The following CPAMD8 variants were observed in gnomAD, a reference collection of about 807,000 sequenced individuals.
The protein encoded by CPAMD8 is C3 and PZP-like alpha-2-macroglobulin domain-containing protein 8.
In CPAMD8, 146 loss-of-function variants were observed where a neutral mutation model predicts 224.7. The ratio of observed to expected loss-of-function variants is 0.65; its 90% CI spans 0.57 to 0.75. The LOEUF is 0.75. Among genes scored for constraint, CPAMD8 ranks in the 30% least tolerant of loss-of-function variants. CPAMD8 has a pLI of 0.00. For synonymous variants in CPAMD8, 966 were observed against 1,044.6 expected (o/e 0.92, Z 1.45); for missense variants, 2,301 against 2,537.5 (o/e 0.91, Z 2.00).
chr19:16,910,790 G>C (rs552525374), intron 29 of CPAMD8: 1 of 152,456 alleles, frequency 6.6e-6, no homozygotes, highest in Non-Finnish European at 1.5e-5. Context: ...ATGGCAACAA[G>C]TGTTGTTTAA....
At chr19:16,939,850 ACTGG>A (rs1246942879) in intron 22 of CPAMD8, among the ~76,000 whole-genome samples, 4 of 151,500 alleles carry the variant, frequency 2.6e-5, no homozygotes, top group Non-Finnish European at 5.9e-5. Flanking sequence ...CAGCTACACC[ACTGG>A]CTTTACTGGG....
In CPAMD8 at chr19:17,011,483, A is replaced by G; in HGVS notation, c.467T>C (p.Leu156Pro). The change falls in exon 5 of 42, where the codon CTG becomes CCG. Residue 156 changes from leucine to proline, a missense_variant. Leu to Pro is a moderately conservative substitution (Grantham distance 98, BLOSUM62 -3). Around this residue, in one of 4 missense-constraint regions of CPAMD8, gnomAD observed 283 missense variants for 340.6 expected, o/e 0.83. Transcript: ENST00000443236. ...TCTCACCTTCTCGTTGACAGGCCTC[A>G]GATTTGGAGAGACGGTGAAGATGCT... The part of the protein sequence containing the change: ...LISIFTVSPN[L>P]RPVNEKLEAY... The G allele has an allele frequency of 8.7e-6, 14 of 1,614,228 alleles. No individual in the cohort carries two copies. Among genetic ancestry groups the G allele is most frequent in the Non-Finnish European group, 1.2e-5 (14 of 1,180,028 alleles).
intron 13 of CPAMD8, among the ~76,000 whole-genome samples, chr19:16,981,123 C>T (rs750806524): frequency 5.3e-5 from 8 of 151,116 alleles, no homozygotes; most frequent in African/African-American, 7.4e-5. Context: ...GGGGCTGAAG[C>T]GGACAGATCG....
Position 16,997,400 on chromosome 19 carries a change from C to T in CPAMD8, c.868-62G>A, listed in dbSNP as rs562976115. The T allele has an allele frequency of 8.6e-4, 831 of 967,634 alleles. 9 individuals carry two copies. The South Asian group carries it at 0.011, about 12-fold the overall frequency. The allele number at this position is 967,634 out of a possible 1,614,324, so 59.9% of individuals were successfully genotyped here. ...GGTTGGAGTGTCTTTGAGGGATGTC[C>T]CTGAAACACACACCTGAGGTGCAAG... On this transcript the variant is annotated intron_variant, in intron 10 of 41. Coordinates refer to ENST00000443236, the MANE Select transcript of CPAMD8 (RefSeq NM_015692.5).
At chr19:16,943,004 C>CTTTCT (rs1328933434) in intron 22 of CPAMD8, among the ~76,000 whole-genome samples, 27 of 134,260 alleles carry the variant, frequency 2.0e-4, no homozygotes, top group African/African-American at 7.8e-4. Context: ...TTTCTTTTTT[C>CTTTCT]TTTTTTCTTT....
rs749768314 is a variant in CPAMD8, at chr19:16,904,292, G to A, written c.4185C>T (p.Ala1395=). The change falls in exon 32 of 42, where the codon GCC becomes GCT. Residue 1395 remains alanine (A), a synonymous_variant. Transcript: ENST00000443236. Reference sequence around the variant, plus strand: ...ACAGCCACTTCACCACAGGCAGGGCGGCAGCCACGTCACCCAGCAGAGTGT... The same window carrying A: ...ACAGCCACTTCACCACAGGCAGGGCAGCAGCCACGTCACCCAGCAGAGTGT... ...LTYTLLGDVA[A]ALPVVKWLSQ... 3.1e-6 allele frequency: 5 copies of A among 1,613,496 alleles called. No homozygotes were observed. The highest frequency in any genetic ancestry group is 1.7e-5 in the Admixed American group (1 of 60,002).
chr19:16,939,238 CTG>C (rs1599740246), intron 22 of CPAMD8, among the ~76,000 whole-genome samples: 1 of 151,966 alleles, frequency 6.6e-6, no homozygotes, highest in Non-Finnish European at 1.5e-5. Flanking sequence ...GAGTCTCACT[CTG>C]TCGCCCAGGC....
chr19:17,026,768 GTGCGCCCGGCGCCA>G lies in CPAMD8; in HGVS notation c.-140_-127del, dbSNP rs2057098138. 8.6e-7 allele frequency: 1 copy of G among 1,167,894 alleles called. No homozygotes were observed. Among genetic ancestry groups the G allele is most frequent in the African/African-American group, 1.6e-5 (1 of 61,664 alleles). 72.3% of individuals were successfully genotyped at this position (1,167,894 alleles called of 1,614,324 possible). The stretch of plus-strand genomic sequence containing the variant: ...GCCCTTTGTTCGCAGCCCCCGCGCA[GTGCGCCCGGCGCCA>G]TGCGCCCCGCTCCGCGCCCGGCCAA... On this transcript the variant is annotated 5_prime_UTR_variant, in exon 1 of 42. An upstream start codon of the reference 5' UTR is lost. Transcript: ENST00000443236.
intron 22 of CPAMD8, among the ~76,000 whole-genome samples, chr19:16,939,138 A>G (rs1285002068): frequency 6.6e-6 from 1 of 151,890 alleles, no homozygotes; most frequent in African/African-American, 2.4e-5. Context: ...TTTCCCCATT[A>G]GGATGGTCAA....
chr19:16,944,521 G>A (rs1234829798), intron 22 of CPAMD8, among the ~76,000 whole-genome samples: 2 of 152,132 alleles, frequency 1.3e-5, no homozygotes, highest in Non-Finnish European at 1.5e-5. Context: ...GGAGGGGCTC[G>A]CTGCCTCCTT....
intron 25 of CPAMD8, 78 bp from the exon 26 acceptor site, chr19:16,925,450 G>GGGAGAC: frequency 8.4e-7 from 1 of 1,186,674 alleles, no homozygotes; most frequent in Non-Finnish European, 1.2e-6. Context: ...ACCCAGGGAT[G>GGGAGAC]GGAGACAGTG....
chr19:16,999,361 A>G (rs1271050876), intron 10 of CPAMD8, among the ~76,000 whole-genome samples: 1 of 151,994 alleles, frequency 6.6e-6, no homozygotes, highest in African/African-American at 2.4e-5. Flanking sequence ...CAGGTGGATC[A>G]CGACGTCAGG....
In CPAMD8 at chr19:16,897,394, A is replaced by G. The variant is rs543846465; in HGVS notation, c.5065+297T>C. On this transcript the variant is annotated intron_variant, in intron 39 of 41. Transcript: ENST00000443236. Reference sequence around the variant, plus strand: ...CCTCAACCCATTGCGCCCAGTCCCCACCACAGTGACCACACCCTCACTGGC... The same window carrying G: ...CCTCAACCCATTGCGCCCAGTCCCCGCCACAGTGACCACACCCTCACTGGC... The G allele has an allele frequency of 1.8e-4, 66 of 373,142 alleles. 1 individual carries two copies. The East Asian group carries it at 3.4e-3, about 19-fold the overall frequency. 23.1% of individuals were successfully genotyped at this position (373,142 alleles called of 1,614,324 possible).
intron 13 of CPAMD8, among the ~76,000 whole-genome samples, chr19:16,989,274 T>C (rs1225582077): frequency 1.3e-5 from 2 of 152,150 alleles, no homozygotes; most frequent in African/African-American, 4.8e-5. Flanking sequence ...TGGCTACTGC[T>C]GCCTTAGGGG....
chr19:17,020,380 G>A, intron 2 of CPAMD8, 27 bp from the exon 3 acceptor site: 2 of 1,544,286 alleles, frequency 1.3e-6, no homozygotes, highest in Non-Finnish European at 1.8e-6. Context: ...AATGAAAAAA[G>A]TTAAATCAAG....
intron 13 of CPAMD8, among the ~76,000 whole-genome samples, chr19:16,987,318 A>G (rs1021817044): frequency 4.6e-5 from 7 of 151,010 alleles, no homozygotes; most frequent in African/African-American, 1.7e-4. Flanking sequence ...AACTGCCCAC[A>G]ACACTGATGT....
chr19:16,950,335 A>G (rs1335838325), intron 20 of CPAMD8, among the ~76,000 whole-genome samples: 1 of 151,974 alleles, frequency 6.6e-6, no homozygotes, highest in Non-Finnish European at 1.5e-5. Context: ...AATGCAGGTA[A>G]AATTGTCAGT....
rs181199271 is a variant in CPAMD8, at chr19:16,898,368, A to G, written c.4849-374T>C. On this transcript the variant is annotated intron_variant, in intron 37 of 41. Transcript: ENST00000443236. This position sits in a 1 kb window ranked among gnomAD's most constrained non-coding sequence, Gnocchi z 4.2. Reference sequence around the variant, plus strand: ...ACCATGTTGGCCAGGCTGGTCTCCAACTCCTGCCCTCAAGTGATCCGCCTC... The same window carrying G: ...ACCATGTTGGCCAGGCTGGTCTCCAGCTCCTGCCCTCAAGTGATCCGCCTC... 9.0e-4 allele frequency among the ~76,000 whole-genome samples: 135 copies of G among 150,462 alleles called. No individual in the cohort carries two copies. Among genetic ancestry groups the G allele is most frequent in the African/African-American group, 3.2e-3 (131 of 40,950 alleles).
In CPAMD8 at chr19:16,993,432, T is replaced by C. The variant is rs10412828; in HGVS notation, c.1250A>G (p.Gln417Arg). 6.2e-7 allele frequency: 1 copy of C among 1,613,430 alleles called. No individual in the cohort carries two copies. The highest frequency in any genetic ancestry group is 1.3e-5 in the African/African-American group (1 of 75,066). Residue 417 changes from glutamine to arginine, a missense_variant, in exon 12 of 42, where the codon CAG becomes CGG. By Grantham distance (43) the Gln-to-Arg change is conservative. This residue lies in a region of CPAMD8 where 301 missense variants were observed against 406.6 expected (regional missense o/e 0.74). Transcript: ENST00000443236. Reference sequence around the variant, plus strand: ...CTCACCCACCTCCAGCCACACGTGCTGGGCTGACGTGGGGATGGAGGGGAT... The same window carrying C: ...CTCACCCACCTCCAGCCACACGTGCCGGGCTGACGTGGGGATGGAGGGGAT... ...FEIPSIPTSA[Q>R]HVWLETKVMA...
Sources: allele counts gnomAD v4.1 joint callset (sites outside exome capture counted in the v4.1 genomes callset), GRCh38; gene constraint gnomAD v4.1.1; regional missense constraint gnomAD v4.1.1; non-coding constraint Gnocchi (gnomAD v3.1); transcripts MANE v1.5; gene names NCBI Gene and HGNC (gene_info 2026-07-23, HGNC 2026-07-21).